Variants in CDK8 observed in about 807,000 individuals in gnomAD.
CDK8 encodes cyclin dependent kinase 8.
In CDK8, 29 loss-of-function variants were observed where a neutral mutation model predicts 71.5. The ratio of observed to expected loss-of-function variants is 0.41; its 90% CI spans 0.30 to 0.55. CDK8 has a LOEUF of 0.55. Ranked by LOEUF, CDK8 falls within the 20% of genes least tolerant of loss-of-function variation. The pLI, the probability that CDK8 is intolerant of heterozygous loss-of-function variation, is 0.37. For missense variants in CDK8, 288 were observed against 572.6 expected (o/e 0.50, Z 5.07); for synonymous variants, 161 against 192.1 (o/e 0.84, Z 1.34).
At chr13:26,324,579 T>C (rs1219051118) in intron 1 of CDK8, among the ~76,000 whole-genome samples, 1 of 152,156 alleles carries the variant, frequency 6.6e-6, no homozygotes, top group Admixed American at 6.6e-5. Context: ...AGAAATAAAT[T>C]AGGCAGATCT....
intron 2 of CDK8, 65 bp from the exon 3 acceptor site, chr13:26,349,007 T>C: frequency 1.1e-6 from 1 of 930,680 alleles, no homozygotes; most frequent in South Asian, 1.3e-5. Context: ...GAATTACAAA[T>C]GGTGTGGGGT....
chr13:26,393,304 CCTTT>C (rs1355055214), intron 6 of CDK8, 59 bp from the exon 7 acceptor site: 1 of 1,112,966 alleles, frequency 9.0e-7, no homozygotes, highest in African/African-American at 1.6e-5. Flanking sequence ...TTATTTTGCA[CCTTT>C]CTTTTTCTTT....
chr13:26,254,454 C>A lies in CDK8; in HGVS notation c.-188C>A, dbSNP rs527787537. The A allele has an allele frequency of 1.3e-5, 6 of 467,704 alleles. No individual in the cohort carries two copies. Among genetic ancestry groups the A allele is most frequent in the Admixed American group, 4.1e-5 (1 of 24,116 alleles). The allele number at this position is 467,704 out of a possible 1,614,324, so 29.0% of individuals were successfully genotyped here. A position where few individuals can be genotyped will look rare whatever the true frequency, so the allele number is the denominator to read the frequency against. On this transcript the variant is annotated 5_prime_UTR_variant, in exon 1 of 13. Coordinates refer to ENST00000381527, the MANE Select transcript of CDK8 (RefSeq NM_001260.3). This position sits in a 1 kb window ranked among gnomAD's most constrained non-coding sequence, Gnocchi z 6.7. ...CCCCGGCCGGCCTCTGCCCCGCCGT[C>A]CCCCTGGATGTCCCTGGCGCTTTCG...
At chr13:26,265,555 C>T (rs1871984453) in intron 1 of CDK8, among the ~76,000 whole-genome samples, 2 of 152,072 alleles carry the variant, frequency 1.3e-5, no homozygotes, top group African/African-American at 2.4e-5. Flanking sequence ...GATGAAGAGG[C>T]AGTGCAGTAA....
In CDK8 at chr13:26,393,012, AGCTTT is replaced by A. The variant is rs561870233; in HGVS notation, c.647-354_647-350del. On this transcript the variant is annotated intron_variant, in intron 6 of 12. Transcript: ENST00000381527. The stretch of plus-strand genomic sequence containing the variant: ...GTTGTAGTTCCCATGCTCCATATGC[AGCTTT>A]ACTGTAGTTCACAGAAAAGGTATCA... 2.4e-4 allele frequency among the ~76,000 whole-genome samples: 36 copies of A among 152,310 alleles called. 1 individual carries two copies. In the South Asian group the frequency reaches 7.5e-3, roughly 32 times the overall value.
chr13:26,324,899 A>G (rs1400437318), intron 1 of CDK8: 4 of 284,534 alleles, frequency 1.4e-5, no homozygotes, highest in African/African-American at 6.9e-5. Context: ...CAGACAAGAA[A>G]AGACCAAGTG....
chr13:26,327,347 G>A (rs1385996092), intron 1 of CDK8, among the ~76,000 whole-genome samples: 2 of 152,032 alleles, frequency 1.3e-5, no homozygotes, highest in African/African-American at 4.8e-5. Context: ...TTAAGGTAAA[G>A]GAATAAATCT....
intron 4 of CDK8, among the ~76,000 whole-genome samples, chr13:26,377,784 A>G (rs560690493): frequency 6.6e-6 from 1 of 152,028 alleles, no homozygotes; most frequent in Non-Finnish European, 1.5e-5. Context: ...CTTACTGAGT[A>G]TGTGTCTATT....
chr13:26,329,747 G>T (rs565439511), intron 1 of CDK8, among the ~76,000 whole-genome samples: 11 of 151,948 alleles, frequency 7.2e-5, no homozygotes, highest in Admixed American at 3.9e-4. Flanking sequence ...CAGGTGATCC[G>T]CCCACCTCGG....
intron 1 of CDK8, among the ~76,000 whole-genome samples, chr13:26,260,171 C>T (rs1871707683): frequency 6.6e-6 from 1 of 152,008 alleles, no homozygotes; most frequent in Non-Finnish European, 1.5e-5. Context: ...CTTTCTTTTC[C>T]CCTTGTTTTC....
chr13:26,299,928 T>G (rs190851468), intron 1 of CDK8, among the ~76,000 whole-genome samples: 2 of 152,310 alleles, frequency 1.3e-5, no homozygotes, highest in African/African-American at 4.8e-5. Context: ...TTTAAAACAA[T>G]TCTTTAAAAA....
intron 1 of CDK8, among the ~76,000 whole-genome samples, chr13:26,304,920 A>T (rs986349626): frequency 6.6e-6 from 1 of 152,142 alleles, no homozygotes; most frequent in African/African-American, 2.4e-5. Flanking sequence ...CCCCTGCCTC[A>T]GCCTCCCAAA....
intron 3 of CDK8, among the ~76,000 whole-genome samples, chr13:26,351,723 A>G (rs1593281731): frequency 6.6e-6 from 1 of 152,162 alleles, no homozygotes; most frequent in East Asian, 1.9e-4. Context: ...TTTAAGCCAA[A>G]TAAATATTTT....
chr13:26,402,296 G>C (rs1395379419), intron 12 of CDK8, among the ~76,000 whole-genome samples: 1 of 152,158 alleles, frequency 6.6e-6, no homozygotes, highest in Non-Finnish European at 1.5e-5. Context: ...CTGTTATGTT[G>C]CCTGCTTAGG....
intron 5 of CDK8, among the ~76,000 whole-genome samples, chr13:26,384,961 A>G (rs1875406840): frequency 6.6e-6 from 1 of 152,206 alleles, no homozygotes; most frequent in Non-Finnish European, 1.5e-5. Context: ...CAGAGAAGCA[A>G]GGTCACCCCT....
At chr13:26,314,155 G>A (rs935352202) in intron 1 of CDK8, among the ~76,000 whole-genome samples, 7 of 152,090 alleles carry the variant, frequency 4.6e-5, no homozygotes, top group Admixed American at 1.3e-4. Flanking sequence ...GCCGTGGATG[G>A]CCATCATTTT....
At chr13:26,286,520 G>C (rs1297699845) in intron 1 of CDK8, among the ~76,000 whole-genome samples, 1 of 152,178 alleles carries the variant, frequency 6.6e-6, no homozygotes, top group Non-Finnish European at 1.5e-5. Flanking sequence ...ACTCAAGATG[G>C]AGTAAAGACT....
chr13:26,308,469 T>C (rs181390480), intron 1 of CDK8, among the ~76,000 whole-genome samples: 2 of 152,364 alleles, frequency 1.3e-5, no homozygotes, highest in East Asian at 1.9e-4. Flanking sequence ...ATCAGTTTTC[T>C]CATCTGCAAA....
chr13:26,279,418 C>A (rs896672830), intron 1 of CDK8, among the ~76,000 whole-genome samples: 5 of 151,750 alleles, frequency 3.3e-5, no homozygotes, highest in African/African-American at 1.2e-4. Context: ...GCATCATGAA[C>A]GGTGGGACAG....
Sources: allele counts gnomAD v4.1 joint callset (sites outside exome capture counted in the v4.1 genomes callset), GRCh38; gene constraint gnomAD v4.1.1; non-coding constraint Gnocchi (gnomAD v3.1); transcripts MANE v1.5; gene names NCBI Gene and HGNC (gene_info 2026-07-23, HGNC 2026-07-21).